The following PLCB1 variants were observed in gnomAD, a reference collection of about 807,000 sequenced individuals.
PLCB1 encodes 1-phosphatidylinositol 4,5-bisphosphate phosphodiesterase beta-1.
Under a neutral mutation model 161.8 loss-of-function variants are expected in PLCB1, and 46 were observed. That is an observed-to-expected ratio of 0.28 (90% CI 0.22 to 0.36). The LOEUF (loss-of-function observed/expected upper bound fraction) is 0.36, where lower values mean the gene tolerates loss of function less well. PLCB1 is among the 10% of genes least tolerant of loss of function. The probability of loss-of-function intolerance (pLI) is 1.00; values close to 1 mark genes in which losing one functional copy is unlikely to be tolerated. For synonymous variants in PLCB1, 517 were observed against 503.7 expected (o/e 1.03, Z -0.35); for missense variants, 1,016 against 1,472.5 (o/e 0.69, Z 5.07).
rs959461550 is a variant in PLCB1 at position 8,676,557 on chromosome 20, C to T, written c.863-8375C>T. 3.3e-5 allele frequency among the ~76,000 whole-genome samples: 5 copies of T among 152,342 alleles called. No homozygotes were observed. The South Asian group carries it at 1.0e-3, about 32-fold the overall frequency. On this transcript the variant is annotated intron_variant, in intron 9 of 31. Coordinates refer to ENST00000338037, the MANE Select transcript of PLCB1 (RefSeq NM_015192.4). The stretch of plus-strand genomic sequence containing the variant: ...GAATGCTGGCATCCAGGCCTTCACT[C>T]TATCCTGGCAAGAGATTAGATAGAA...
chr20:8,800,103 G>T (rs1984212973), intron 31 of PLCB1, among the ~76,000 whole-genome samples: 1 of 152,194 alleles, frequency 6.6e-6, no homozygotes, highest in Admixed American at 6.5e-5. Flanking sequence ...GATATTTGAT[G>T]AAGAAGTACT....
intron 2 of PLCB1, among the ~76,000 whole-genome samples, chr20:8,257,521 C>T (rs1433523865): frequency 2.0e-5 from 3 of 152,062 alleles, no homozygotes; most frequent in African/African-American, 4.8e-5. Context: ...AGACTGCTTG[C>T]GTTTGAATTT....
chr20:8,356,130 A>C (rs886310833), intron 2 of PLCB1, among the ~76,000 whole-genome samples: 1 of 152,176 alleles, frequency 6.6e-6, no homozygotes, highest in African/African-American at 2.4e-5. Flanking sequence ...ATAACATCTG[A>C]TCATCATAAA....
intron 2 of PLCB1, among the ~76,000 whole-genome samples, chr20:8,181,215 C>G (rs1600220110): frequency 7.1e-6 from 1 of 141,522 alleles, no homozygotes; most frequent in African/African-American, 2.6e-5. Context: ...TGCCACTGCA[C>G]TCCAGCCTGG....
At chr20:8,323,098 A>G (rs1568631846) in intron 2 of PLCB1, among the ~76,000 whole-genome samples, 1 of 152,160 alleles carries the variant, frequency 6.6e-6, no homozygotes, top group Non-Finnish European at 1.5e-5. Context: ...CAGTCCCAAG[A>G]GGGATTTGAA....
chr20:8,811,558 G>A (rs878904432), intron 31 of PLCB1, among the ~76,000 whole-genome samples: 3 of 152,020 alleles, frequency 2.0e-5, no homozygotes, highest in Admixed American at 2.0e-4. Flanking sequence ...TGGCAGAGTG[G>A]TTTTTCCCTC....
intron 31 of PLCB1, among the ~76,000 whole-genome samples, chr20:8,847,562 G>A (rs573852391): frequency 9.9e-4 from 151 of 152,188 alleles, no homozygotes; most frequent in African/African-American, 3.6e-3. Flanking sequence ...GCTGAATGTC[G>A]AACCATTCAA....
intron 29 of PLCB1, 56 bp downstream of exon 29, chr20:8,788,778 G>C: frequency 9.1e-7 from 1 of 1,095,618 alleles, no homozygotes; most frequent in South Asian, 1.4e-5. Context: ...ATTTTATTTT[G>C]TACGTCAGAG....
chr20:8,294,251 C>T (rs1223245929), intron 2 of PLCB1, among the ~76,000 whole-genome samples: 1 of 152,056 alleles, frequency 6.6e-6, no homozygotes, highest in African/African-American at 2.4e-5. Flanking sequence ...TACAGTTTTT[C>T]TTCCACCCTT....
At chr20:8,765,777 T>C (rs1409953095) in intron 26 of PLCB1, among the ~76,000 whole-genome samples, 1 of 152,024 alleles carries the variant, frequency 6.6e-6, no homozygotes, top group Non-Finnish European at 1.5e-5. Flanking sequence ...AACTTCTGTC[T>C]CCAGAGTTTA....
At chr20:8,466,946 T>C (rs1981850561) in intron 3 of PLCB1, among the ~76,000 whole-genome samples, 2 of 152,134 alleles carry the variant, frequency 1.3e-5, no homozygotes, top group African/African-American at 4.8e-5. Flanking sequence ...CTCTTTCTTT[T>C]CTTTTGTTTT....
At chr20:8,762,174 C>T (rs1982075830) in intron 25 of PLCB1, among the ~76,000 whole-genome samples, 2 of 152,132 alleles carry the variant, frequency 1.3e-5, no homozygotes, top group African/African-American at 2.4e-5. Flanking sequence ...TGCGCCATTG[C>T]ACTCCAGCCT....
chr20:8,550,758 A>G (rs1040506080), intron 3 of PLCB1, among the ~76,000 whole-genome samples: 7 of 152,178 alleles, frequency 4.6e-5, no homozygotes, highest in Admixed American at 2.0e-4. Context: ...TGCACCTTAC[A>G]TCAAATTCAC....
At chr20:8,580,269 A>G (rs930394964) in intron 3 of PLCB1, among the ~76,000 whole-genome samples, 1 of 152,224 alleles carries the variant, frequency 6.6e-6, no homozygotes, top group African/African-American at 2.4e-5. Context: ...CTTCCCTTCA[A>G]AAATACACTC....
At chr20:8,227,615 C>A (rs1264106379) in intron 2 of PLCB1, among the ~76,000 whole-genome samples, 2 of 152,218 alleles carry the variant, frequency 1.3e-5, no homozygotes, top group African/African-American at 2.4e-5. Flanking sequence ...CCTACCAACC[C>A]ACACTTTTAC....
intron 2 of PLCB1, among the ~76,000 whole-genome samples, chr20:8,186,296 T>C (rs1432963785): frequency 6.6e-6 from 1 of 152,220 alleles, no homozygotes; most frequent in Non-Finnish European, 1.5e-5. Flanking sequence ...TATGTGATTA[T>C]TTATACATTT....
chr20:8,881,542 T>A, intron 31 of PLCB1, 80 bp from the exon 32 acceptor site: 1 of 1,014,150 alleles, frequency 9.9e-7, no homozygotes, highest in Non-Finnish European at 1.5e-6. Flanking sequence ...CTTTTGTATA[T>A]CTCTTTCAGA....
In PLCB1 at chr20:8,523,490, CTCTCTCTATATATATATA is replaced by C. The variant is rs772973948; in HGVS notation, c.247-104802_247-104785del. On this transcript the variant is annotated intron_variant, in intron 3 of 31. Coordinates refer to ENST00000338037, the MANE Select transcript of PLCB1 (RefSeq NM_015192.4). Reference sequence around the variant, plus strand: ...GCTCTCTCTCTCTCTCTCTCTCTCTCTCTCTCTATATATATATATATATATATATATGGAGAGAGACAA... The same window carrying C: ...GCTCTCTCTCTCTCTCTCTCTCTCTCTATATATATATATGGAGAGAGACAA... Among the ~76,000 whole-genome samples, 407 of 67,724 alleles carry C rather than the reference CTCTCTCTATATATATATA, an allele frequency of 6.0e-3. 21 individuals are homozygous for C. Among genetic ancestry groups the C allele is most frequent in the African/African-American group, 9.5e-3 (147 of 15,448 alleles). 44.4% of individuals were successfully genotyped at this position (67,724 alleles called of 152,430 possible).
chr20:8,837,414 G>A (rs981944404), intron 31 of PLCB1, among the ~76,000 whole-genome samples: 4 of 152,150 alleles, frequency 2.6e-5, no homozygotes, highest in African/African-American at 9.7e-5. Flanking sequence ...GATAATGGTA[G>A]GAGAAACACA....
Sources: gnomAD v4.1 joint callset for allele counts (sites outside exome capture counted in the v4.1 genomes callset) on GRCh38, gnomAD v4.1.1 for gene constraint, MANE v1.5 for transcripts, NCBI Gene and HGNC (gene_info 2026-07-23, HGNC 2026-07-21) for gene names.